ARHGAP44: variants seen among roughly 807,000 people sequenced by gnomAD.
ARHGAP44 encodes the protein rho GTPase-activating protein 44.
A neutral mutation model predicts 106.8 loss-of-function variants in ARHGAP44; 43 were observed. The observed-to-expected ratio is 0.40, with a 90% CI of 0.32 to 0.52. The LOEUF is 0.52. Ranked by LOEUF, ARHGAP44 falls within the 20% of genes least tolerant of loss-of-function variation. The probability of loss-of-function intolerance (pLI) is 0.48; values close to 1 mark genes in which losing one functional copy is unlikely to be tolerated. For missense variants in ARHGAP44, 866 were observed against 1,050.5 expected, an observed-to-expected ratio of 0.82 and a Z score of 2.43; for synonymous variants, 439 against 410.3, an observed-to-expected ratio of 1.07 and a Z score of -0.85.
intron 1 of ARHGAP44, among the ~76,000 whole-genome samples, chr17:12,843,786 G>T (rs1274963420): frequency 1.3e-5 from 2 of 151,112 alleles, no homozygotes; most frequent in Non-Finnish European, 1.5e-5. Flanking sequence ...CTCCCAAGTA[G>T]CTGGGATTAC....
intron 1 of ARHGAP44, among the ~76,000 whole-genome samples, chr17:12,815,580 A>G (rs1457487190): frequency 1.3e-5 from 2 of 152,174 alleles, no homozygotes; most frequent in Non-Finnish European, 2.9e-5. Context: ...TTTACAGGAG[A>G]GTATACCAGT....
chr17:12,817,094 C>G (rs2034620303), intron 1 of ARHGAP44, among the ~76,000 whole-genome samples: 1 of 151,978 alleles, frequency 6.6e-6, no homozygotes, highest in Admixed American at 6.5e-5. Flanking sequence ...TGGAGTTCAA[C>G]TAGAAATCTG....
chr17:12,977,352 G>C (rs2039709978), intron 18 of ARHGAP44, among the ~76,000 whole-genome samples: 2 of 151,910 alleles, frequency 1.3e-5, no homozygotes, highest in Admixed American at 6.6e-5. Flanking sequence ...ATGTTCCCTC[G>C]AGTGGCCGGA....
At chr17:12,979,184 CTG>C (rs1430721712) in intron 18 of ARHGAP44, among the ~76,000 whole-genome samples, 3 of 152,334 alleles carry the variant, frequency 2.0e-5, no homozygotes, top group East Asian at 3.9e-4. Flanking sequence ...ATTGAGAACA[CTG>C]TGGGGGAAGT....
intron 16 of ARHGAP44, among the ~76,000 whole-genome samples, chr17:12,963,512 A>G (rs1247901744): frequency 6.6e-6 from 1 of 151,882 alleles, no homozygotes; most frequent in Non-Finnish European, 1.5e-5. Context: ...TCTTCAACCC[A>G]AGTCAGACCA....
At chr17:12,891,892 T>C (rs756722052) in intron 1 of ARHGAP44, among the ~76,000 whole-genome samples, 3 of 151,546 alleles carry the variant, frequency 2.0e-5, no homozygotes, top group Non-Finnish European at 4.4e-5. Flanking sequence ...CCTCCCCAGG[T>C]TCAAGCGATT....
chr17:12,936,192 A>G (rs2038544200), intron 7 of ARHGAP44, among the ~76,000 whole-genome samples: 2 of 152,188 alleles, frequency 1.3e-5, no homozygotes, highest in South Asian at 4.1e-4. Flanking sequence ...ATGAACCTGT[A>G]TTGGTGCATC....
At chr17:12,989,101 C>CCAAAAAAAAA (rs1598173210) in intron 20 of ARHGAP44, among the ~76,000 whole-genome samples, 11 of 45,164 alleles carry the variant, frequency 2.4e-4, no homozygotes, top group African/African-American at 9.4e-4. Flanking sequence ...CCACCCCCCC[C>CCAAAAAAAAA]AAAAAAAAAA....
chr17:12,989,996 C>T, intron 20 of ARHGAP44, 36 bp from the exon 21 acceptor site: 1 of 1,588,648 alleles, frequency 6.3e-7, no homozygotes, highest in East Asian at 2.3e-5. Flanking sequence ...GCCGGGAAGC[C>T]TCCTTTCAAC....
chr17:12,879,364 A>G (rs1055957584), intron 1 of ARHGAP44, among the ~76,000 whole-genome samples: 7 of 152,106 alleles, frequency 4.6e-5, no homozygotes, highest in African/African-American at 1.7e-4. Flanking sequence ...TTATCCACTC[A>G]TTGATCAGTG....
At chr17:12,973,914 G>T (rs543567042) in intron 17 of ARHGAP44, 175 bp from the exon 18 acceptor site, 58 of 712,486 alleles carry the variant, frequency 8.1e-5, no homozygotes, top group African/African-American at 7.8e-4. Flanking sequence ...CTTGGCCGCC[G>T]GGAGCAGCCA....
Position 12,789,553 on chromosome 17 carries a change from A to AGCCCGGGCGGAGCGGGCC in ARHGAP44, c.-284_-267dup, listed in dbSNP as rs1211334156. ...CGCCGGACTGGGACTGGGAGCAGGC[A>AGCCCGGGCGGAGCGGGCC]GCCCGGGCGGAGCGGGCCGGTGCCG... On this transcript the variant is annotated 5_prime_UTR_variant, in exon 1 of 21. Transcript: ENST00000379672. The AGCCCGGGCGGAGCGGGCC allele has an allele frequency of 4.6e-6, 1 of 219,024 alleles. No individual in the cohort carries two copies. Among genetic ancestry groups the AGCCCGGGCGGAGCGGGCC allele is most frequent in the African/African-American group, 2.3e-5 (1 of 43,366 alleles). 13.6% of individuals were successfully genotyped at this position (219,024 alleles called of 1,614,324 possible).
chr17:12,852,013 T>C (rs575817157), intron 1 of ARHGAP44, among the ~76,000 whole-genome samples: 1 of 151,330 alleles, frequency 6.6e-6, no homozygotes, highest in East Asian at 2.0e-4. Flanking sequence ...GGTTTAGGAA[T>C]GAATTGAGCT....
At chr17:12,987,359 C>A in intron 20 of ARHGAP44, 1 of 479,572 alleles carries the variant, frequency 2.1e-6, no homozygotes, top group Non-Finnish European at 3.7e-6. Context: ...TCTTTCTTTT[C>A]ATTAGGAGGA....
chr17:12,952,351 A>G, intron 12 of ARHGAP44, 150 bp from the exon 13 acceptor site: 1 of 672,906 alleles, frequency 1.5e-6, no homozygotes, highest in East Asian at 2.7e-5. Context: ...AGAGGGGTAA[A>G]TAATAACAAC....
chr17:12,825,947 A>G (rs1324842784), intron 1 of ARHGAP44, among the ~76,000 whole-genome samples: 1 of 152,220 alleles, frequency 6.6e-6, no homozygotes, highest in African/African-American at 2.4e-5. Flanking sequence ...TGAGTGTTGT[A>G]CATTTCATGG....
At chr17:12,963,864 G>A (rs866447717) in intron 16 of ARHGAP44, among the ~76,000 whole-genome samples, 2 of 152,320 alleles carry the variant, frequency 1.3e-5, no homozygotes, top group Middle Eastern at 3.4e-3. Context: ...CTACCCATCT[G>A]ATTTAAATGG....
chr17:12,841,639 C>CAAAAAA (rs1331198278), intron 1 of ARHGAP44, among the ~76,000 whole-genome samples: 7 of 137,398 alleles, frequency 5.1e-5, no homozygotes, highest in African/African-American at 2.1e-4. Context: ...CACACACACA[C>CAAAAAA]AAACAAACAA....
chr17:12,949,661 C>G lies in ARHGAP44; in HGVS notation c.986C>G (p.Ser329Cys). 1.2e-6 allele frequency: 2 copies of G among 1,613,854 alleles called. No homozygotes were observed. Among genetic ancestry groups the G allele is most frequent in the Non-Finnish European group, 1.7e-6 (2 of 1,179,838 alleles). ...CATTCATGCCTAGGAGCTTTGAAAT[C>G]TTACCTCCGAGAGTTGCCAGAACCT... ...DPHAIAGALKSYLRELPEPLM... is the reference protein window; with the variant it reads ...DPHAIAGALKCYLRELPEPLM... The change falls in exon 12 of 21, where the codon TCT (serine) becomes TGT (cysteine). Residue 329 changes from serine to cysteine, a missense_variant. By Grantham distance (112) the Ser-to-Cys change is moderately radical. Transcript: ENST00000379672. The surrounding 1 kb of genome is among the most constrained non-coding windows in gnomAD (Gnocchi z 4.1).
Sources: gnomAD v4.1 joint callset for allele counts (sites outside exome capture counted in the v4.1 genomes callset) on GRCh38, gnomAD v4.1.1 for gene constraint, Gnocchi (gnomAD v3.1) non-coding constraint, MANE v1.5 for transcripts, NCBI Gene and HGNC (gene_info 2026-07-23, HGNC 2026-07-21) for gene names.